Variants in PDS5B observed in about 807,000 individuals in gnomAD.
PDS5B encodes PDS5 cohesin associated factor B.
In PDS5B, 51 loss-of-function variants were observed where a neutral mutation model predicts 184.1. The ratio of observed to expected loss-of-function variants is 0.28; its 90% CI spans 0.22 to 0.35. PDS5B has a LOEUF of 0.35. Among genes scored for constraint, PDS5B ranks in the 10% least tolerant of loss-of-function variants. The pLI, the probability that PDS5B is intolerant of heterozygous loss-of-function variation, is 1.00. For synonymous variants in PDS5B, 566 were observed against 569.2 expected (o/e 0.99, Z 0.08); for missense variants, 1,180 against 1,723.3 (o/e 0.68, Z 5.58).
chr13:32,587,705 A>G (rs2057712031), intron 1 of PDS5B, among the ~76,000 whole-genome samples: 2 of 152,364 alleles, frequency 1.3e-5, no homozygotes, highest in Non-Finnish European at 2.9e-5. Flanking sequence ...CGCGTCTTCA[A>G]CAGCCTCTCT....
At chr13:32,720,702 G>A (rs1201246668) in intron 19 of PDS5B, among the ~76,000 whole-genome samples, 3 of 151,320 alleles carry the variant, frequency 2.0e-5, no homozygotes, top group African/African-American at 7.3e-5. Flanking sequence ...GGGGGATTTG[G>A]CAGGGTCATA....
intron 1 of PDS5B, among the ~76,000 whole-genome samples, chr13:32,597,601 G>C (rs917712737): frequency 2.6e-5 from 4 of 151,994 alleles, no homozygotes; most frequent in African/African-American, 9.7e-5. Context: ...TGAGGCCGAG[G>C]GGGGGGCGGC....
intron 19 of PDS5B, among the ~76,000 whole-genome samples, chr13:32,712,603 G>C (rs183086913): frequency 1.1e-4 from 16 of 152,336 alleles, no homozygotes; most frequent in Non-Finnish European, 1.5e-5. Flanking sequence ...ATTGGCACCA[G>C]ATGTGCCCTT....
At chr13:32,595,115 T>G (rs2057839890) in intron 1 of PDS5B, among the ~76,000 whole-genome samples, 1 of 152,164 alleles carries the variant, frequency 6.6e-6, no homozygotes, top group Non-Finnish European at 1.5e-5. Context: ...CTACCTTCTC[T>G]TACTCTTTAA....
intron 24 of PDS5B, among the ~76,000 whole-genome samples, chr13:32,747,988 T>C (rs879034746): frequency 2.6e-5 from 4 of 152,236 alleles, no homozygotes; most frequent in Admixed American, 1.3e-4. Context: ...ATATTTGTTA[T>C]ACATTGCCAC....
rs1160243248 is a variant in PDS5B at position 32,701,445 on chromosome 13, G to A, written c.1856+7G>A. ...TAGATACCGAATCTATCAGGTATTTGTATATAAAATACTAAGTTCTCATTG... is the reference window on the plus strand; with the variant it reads ...TAGATACCGAATCTATCAGGTATTTATATATAAAATACTAAGTTCTCATTG... On this transcript the variant is annotated splice_region_variant and intron_variant, in intron 17 of 34. Transcript: ENST00000315596. The A allele has an allele frequency of 1.3e-6, 2 of 1,494,894 alleles. No individual in the cohort carries two copies. Among genetic ancestry groups the A allele is most frequent in the East Asian group, 2.3e-5 (1 of 44,154 alleles). 92.6% of individuals were successfully genotyped at this position (1,494,894 alleles called of 1,614,324 possible). A position where few individuals can be genotyped will look rare whatever the true frequency, so the allele number is the denominator to read the frequency against.
intron 1 of PDS5B, 59 bp from the exon 2 acceptor site, chr13:32,648,695 T>G: frequency 2.8e-6 from 2 of 722,440 alleles, no homozygotes; most frequent in Non-Finnish European, 4.9e-6. Context: ...ACCATTTATG[T>G]TTGTTAAGAA....
At chr13:32,648,977 A>AAAAGC in intron 2 of PDS5B, 97 bp downstream of exon 2, 1 of 719,840 alleles carries the variant, frequency 1.4e-6, no homozygotes, top group East Asian at 2.5e-5. Flanking sequence ...GGTAACTTAA[A>AAAAGC]AAAGCAAAGC....
At chr13:32,752,269 G>A (rs531719343) in intron 24 of PDS5B, among the ~76,000 whole-genome samples, 1 of 152,136 alleles carries the variant, frequency 6.6e-6, no homozygotes, top group South Asian at 2.1e-4. Context: ...TTCTTGCTGT[G>A]CCTAATTTAT....
At chr13:32,694,467 T>C (rs1303477565) in intron 14 of PDS5B, among the ~76,000 whole-genome samples, 163 bp downstream of exon 14, 1 of 151,962 alleles carries the variant, frequency 6.6e-6, no homozygotes, top group Non-Finnish European at 1.5e-5. Context: ...AAGAAACTTA[T>C]TAGATAGAAA....
At chr13:32,626,304 TC>T (rs2058370222) in intron 1 of PDS5B, among the ~76,000 whole-genome samples, 1 of 152,204 alleles carries the variant, frequency 6.6e-6, no homozygotes, top group Non-Finnish European at 1.5e-5. Flanking sequence ...CCTATGTTCC[TC>T]CTCAACTACA....
At chr13:32,698,975 G>T (rs1951788557) in intron 15 of PDS5B, among the ~76,000 whole-genome samples, 1 of 152,056 alleles carries the variant, frequency 6.6e-6, no homozygotes, top group Non-Finnish European at 1.5e-5. Context: ...GGGTGGTCTT[G>T]AACTCCTGAC....
chr13:32,733,352 A>G (rs1404967170), intron 20 of PDS5B, among the ~76,000 whole-genome samples: 1 of 152,188 alleles, frequency 6.6e-6, no homozygotes, highest in Non-Finnish European at 1.5e-5. Flanking sequence ...TTGAGGTTCC[A>G]CTAATCTAGG....
intron 1 of PDS5B, among the ~76,000 whole-genome samples, chr13:32,612,259 G>T (rs1308134071): frequency 6.6e-6 from 1 of 151,950 alleles, no homozygotes. Context: ...GTAGAGACGG[G>T]ATTTCACCAT....
chr13:32,768,337 T>C (rs903377690), intron 31 of PDS5B, among the ~76,000 whole-genome samples: 1 of 152,120 alleles, frequency 6.6e-6, no homozygotes, highest in Non-Finnish European at 1.5e-5. Context: ...TTTCCTCTTA[T>C]AAGGACACTA....
At chr13:32,742,268 A>G (rs891037293) in intron 22 of PDS5B, among the ~76,000 whole-genome samples, 2 of 152,200 alleles carry the variant, frequency 1.3e-5, no homozygotes, top group African/African-American at 4.8e-5. Flanking sequence ...ATTAAATGTA[A>G]TTTGTAGTTG....
At chr13:32,590,565 GAGA>G (rs1331802739) in intron 1 of PDS5B, among the ~76,000 whole-genome samples, 1 of 152,184 alleles carries the variant, frequency 6.6e-6, no homozygotes, top group African/African-American at 2.4e-5. Context: ...ATCCCATAAG[GAGA>G]AGGAGGGGCT....
intron 17 of PDS5B, among the ~76,000 whole-genome samples, chr13:32,704,622 A>C (rs988915826): frequency 5.3e-5 from 8 of 152,222 alleles, no homozygotes; most frequent in African/African-American, 1.9e-4. Context: ...ATTATAGCGT[A>C]AATTCTTACA....
At chr13:32,764,626 TTAA>T (rs749659557) in intron 31 of PDS5B, 32 bp downstream of exon 31, 3 of 1,194,918 alleles carry the variant, frequency 2.5e-6, no homozygotes, top group Middle Eastern at 3.9e-4. Flanking sequence ...TATAATAATA[TTAA>T]TGATAATTTT....
Sources: allele counts gnomAD v4.1 joint callset (sites outside exome capture counted in the v4.1 genomes callset), GRCh38; gene constraint gnomAD v4.1.1; transcripts MANE v1.5; gene names NCBI Gene and HGNC (gene_info 2026-07-23, HGNC 2026-07-21).